The following HECW1 variants were observed in gnomAD, a reference collection of about 807,000 sequenced individuals.
The protein encoded by HECW1 is E3 ubiquitin-protein ligase HECW1.
A neutral mutation model predicts 182.3 loss-of-function variants in HECW1; 61 were observed. The observed-to-expected ratio is 0.33, with a 90% CI of 0.27 to 0.41. The LOEUF is 0.41. Ranked by LOEUF, HECW1 falls within the 10% of genes least tolerant of loss-of-function variation. The pLI, the probability that HECW1 is intolerant of heterozygous loss-of-function variation, is 1.00. For synonymous variants in HECW1, 859 were observed against 832.6 expected (o/e 1.03, Z -0.55); for missense variants, 1,739 against 2,108.9 (o/e 0.82, Z 3.44).
At chr7:43,163,184 A>C (rs746617372) in intron 2 of HECW1, 3 of 152,300 alleles carry the variant, frequency 2.0e-5, no homozygotes, top group Admixed American at 6.5e-5. Context: ...ACAAACAAAC[A>C]CACACCAGGC....
At chr7:43,148,060 G>A (rs1417659404) in intron 2 of HECW1, among the ~76,000 whole-genome samples, 1 of 152,190 alleles carries the variant, frequency 6.6e-6, no homozygotes, top group East Asian at 1.9e-4. Flanking sequence ...TGGCAGTTTG[G>A]GTTCTTCTGG....
chr7:43,131,814 G>A (rs767524515), intron 2 of HECW1, among the ~76,000 whole-genome samples: 20 of 152,196 alleles, frequency 1.3e-4, no homozygotes, highest in Non-Finnish European at 2.6e-4. Flanking sequence ...CCTGAGAGTG[G>A]CATCTGGGAA....
chr7:43,522,846 TTTGA>T (rs2080558102), intron 24 of HECW1, among the ~76,000 whole-genome samples: 1 of 152,048 alleles, frequency 6.6e-6, no homozygotes, highest in East Asian at 1.9e-4. Context: ...AGCAGGGAAA[TTTGA>T]TTGTGCCAGG....
chr7:43,509,140 A>C lies in HECW1; in HGVS notation c.4019+19A>C. The C allele has an allele frequency of 6.2e-7, 1 of 1,604,908 alleles. No homozygotes were observed. ...TTGAGTGGTAAGCTCTATAATGTTC[A>C]CTTTCTTGTATTTGAAAGTTCTCCT... On this transcript the variant is annotated intron_variant, in intron 24 of 29. Coordinates refer to ENST00000395891, the MANE Select transcript of HECW1 (RefSeq NM_015052.5).
At chr7:43,252,184 A>G (rs1211049502) in intron 3 of HECW1, among the ~76,000 whole-genome samples, 1 of 152,106 alleles carries the variant, frequency 6.6e-6, no homozygotes, top group Non-Finnish European at 1.5e-5. Context: ...TCCATGATAG[A>G]TAATAGGTTT....
chr7:43,287,144 T>C (rs1804750630), intron 3 of HECW1, among the ~76,000 whole-genome samples: 1 of 152,172 alleles, frequency 6.6e-6, no homozygotes. Context: ...AGTGTATGTT[T>C]GTTTTCAGTG....
chr7:43,454,119 T>C (rs1377303377), intron 12 of HECW1, among the ~76,000 whole-genome samples: 1 of 152,258 alleles, frequency 6.6e-6, no homozygotes, highest in East Asian at 1.9e-4. Flanking sequence ...CTTCATTTTC[T>C]AGCTTTTTCC....
At chr7:43,409,843 T>TGTCA (rs1460466901) in intron 8 of HECW1, among the ~76,000 whole-genome samples, 5 of 152,214 alleles carry the variant, frequency 3.3e-5, no homozygotes, top group African/African-American at 1.2e-4. Context: ...AGGGTCCAAG[T>TGTCA]GTCAATGTCA....
Position 43,406,908 on chromosome 7 carries a change from C to CA in HECW1, c.632-646dup, listed in dbSNP as rs549399693. Among the ~76,000 whole-genome samples the CA allele has an allele frequency of 1.4e-4, 22 of 151,760 alleles. No individual in the cohort carries two copies. The South Asian group carries it at 4.0e-3, about 27-fold the overall frequency. On this transcript the variant is annotated intron_variant, in intron 7 of 29. Coordinates refer to ENST00000395891, the MANE Select transcript of HECW1 (RefSeq NM_015052.5). ...CACTTCAGCCTGGGTGACTCCATCT[C>CA]AAAAAAAATTATATTCCTTGACATC...
chr7:43,203,699 C>G (rs1237469957), intron 2 of HECW1, among the ~76,000 whole-genome samples: 1 of 152,276 alleles, frequency 6.6e-6, no homozygotes, highest in East Asian at 1.9e-4. Flanking sequence ...CTCAAATGAT[C>G]CACCCACCTC....
chr7:43,140,111 T>C (rs1380950325), intron 2 of HECW1, among the ~76,000 whole-genome samples: 1 of 125,958 alleles, frequency 7.9e-6, no homozygotes, highest in Non-Finnish European at 1.7e-5. Context: ...ATATTTTTGA[T>C]TATTTGTTTC....
intron 13 of HECW1, 146 bp downstream of exon 13, chr7:43,456,593 G>C: frequency 2.8e-6 from 2 of 723,068 alleles, no homozygotes; most frequent in Non-Finnish European, 4.1e-6. Context: ...TTCCTAGTAG[G>C]TATTTGGAAA....
chr7:43,468,574 T>A (rs548575924), intron 15 of HECW1, among the ~76,000 whole-genome samples: 36 of 151,486 alleles, frequency 2.4e-4, no homozygotes, highest in Non-Finnish European at 4.1e-4. Flanking sequence ...CAGGCTGGAG[T>A]GCAACGGCAC....
intron 3 of HECW1, among the ~76,000 whole-genome samples, chr7:43,308,114 C>CATATAATATATTTAT (rs1333889557): frequency 1.1e-5 from 1 of 93,896 alleles, no homozygotes; most frequent in East Asian, 2.6e-4. Flanking sequence ...TATAATATAA[C>CATATAATATATTTAT]ATATAATATA....
Position 43,541,987 on chromosome 7 carries a change from GT to G in HECW1, c.4242del (p.Phe1414LeufsTer9). On this transcript the variant is annotated frameshift_variant, in exon 26 of 30. Coordinates refer to ENST00000395891, the MANE Select transcript of HECW1 (RefSeq NM_015052.5). LOFTEE classifies it high-confidence loss of function. ...CCTCACTTTCACTGTTAATGAAGAG[GT>G]TTTTGGACAGGTTTGTGTGACATGG... The part of the protein sequence containing the change: ...LDLTFTVNEE[V>X]FGQVTERELK... 2.0e-6 allele frequency: 3 copies of G among 1,528,614 alleles called. No individual in the cohort carries two copies. Among genetic ancestry groups the G allele is most frequent in the African/African-American group, 1.4e-5 (1 of 71,232 alleles). 94.7% of individuals were successfully genotyped at this position (1,528,614 alleles called of 1,614,324 possible).
chr7:43,148,580 C>G (rs1381975517), intron 2 of HECW1: 1 of 151,794 alleles, frequency 6.6e-6, no homozygotes, highest in Non-Finnish European at 1.5e-5. Context: ...GCTAGGTAAA[C>G]AGTGTTGGAT....
chr7:43,406,074 A>G (rs2075600679), intron 7 of HECW1, among the ~76,000 whole-genome samples: 1 of 152,218 alleles, frequency 6.6e-6, no homozygotes, highest in Non-Finnish European at 1.5e-5. Flanking sequence ...TGACAGAAAC[A>G]ATAGGCTGTG....
At chr7:43,262,160 G>T (rs907187488) in intron 3 of HECW1, among the ~76,000 whole-genome samples, 1 of 152,158 alleles carries the variant, frequency 6.6e-6, no homozygotes, top group Non-Finnish European at 1.5e-5. Context: ...GATGGAGGTT[G>T]CAGTGAGCTG....
chr7:43,161,858 ATC>A (rs1446051710), intron 2 of HECW1: 4 of 152,184 alleles, frequency 2.6e-5, no homozygotes, highest in African/African-American at 9.7e-5. Flanking sequence ...ACTTGTGTGT[ATC>A]TGTGTCCTCT....
Sources: gnomAD v4.1 joint callset for allele counts (sites outside exome capture counted in the v4.1 genomes callset) on GRCh38, gnomAD v4.1.1 for gene constraint, MANE v1.5 for transcripts, NCBI Gene and HGNC (gene_info 2026-07-23, HGNC 2026-07-21) for gene names.